Variants in CUX1 observed in about 807,000 individuals in gnomAD.
CUX1 encodes cut like homeobox 1, also known as protein CASP.
Under a neutral mutation model 158.8 loss-of-function variants are expected in CUX1, and 31 were observed. The ratio of observed to expected loss-of-function variants is 0.20; its 90% CI spans 0.15 to 0.26. The LOEUF is 0.26. CUX1 is among the 10% of genes least tolerant of loss of function. The pLI is 1.00. For missense variants in CUX1, 1,589 were observed against 2,014.6 expected, an observed-to-expected ratio of 0.79 and a Z score of 4.04; for synonymous variants, 879 against 862.1, an observed-to-expected ratio of 1.02 and a Z score of -0.34.
At chr7:102,145,473 G>A (rs922489378) in intron 8 of CUX1, among the ~76,000 whole-genome samples, 9 of 151,688 alleles carry the variant, frequency 5.9e-5, no homozygotes, top group African/African-American at 1.9e-4. Flanking sequence ...AGAAGAGAAA[G>A]GTCCTGACTT....
At chr7:102,234,857 T>C (rs1554532074) in intron 22 of CUX1, among the ~76,000 whole-genome samples, 1 of 151,222 alleles carries the variant, frequency 6.6e-6, no homozygotes, top group Admixed American at 6.6e-5. Context: ...GCTTGAACCC[T>C]GCAGGCGGTG....
chr7:102,166,148 G>C (rs1412097031), intron 9 of CUX1, among the ~76,000 whole-genome samples: 1 of 152,198 alleles, frequency 6.6e-6, no homozygotes, highest in Non-Finnish European at 1.5e-5. Context: ...GCATCGGCTT[G>C]TGTGAGCCCC....
At position 101,916,263 on chromosome 7, in the gene CUX1, CT is replaced by C; in HGVS notation, c.141+40del. The stretch of plus-strand genomic sequence containing the variant: ...ACCATCGTGTTCGCTTTGAAGGGAT[CT>C]TAGAATGCTGGTGCATGTTCAGGCG... On this transcript the variant is annotated intron_variant, in intron 2 of 23. Transcript: ENST00000292535. The surrounding 1 kb of genome is among the most constrained non-coding windows in gnomAD (Gnocchi z 4.4). 7.7e-7 allele frequency: 1 copy of C among 1,297,082 alleles called. No individual in the cohort carries two copies. The highest frequency in any genetic ancestry group is 1.1e-6 in the Non-Finnish European group (1 of 891,916). The allele number at this position is 1,297,082 out of a possible 1,614,324, so 80.3% of individuals were successfully genotyped here.
intron 1 of CUX1, among the ~76,000 whole-genome samples, chr7:101,870,917 G>A (rs971038153): frequency 9.9e-5 from 15 of 152,190 alleles, no homozygotes; most frequent in African/African-American, 3.4e-4. Context: ...CTAGTTCCAC[G>A]CACATGTCAG....
intron 2 of CUX1, among the ~76,000 whole-genome samples, chr7:101,990,677 C>T (rs1404326048): frequency 6.6e-6 from 1 of 152,074 alleles, no homozygotes; most frequent in East Asian, 1.9e-4. Context: ...GCGCCTGGCC[C>T]AGACCCCATC....
chr7:102,047,577 TAGGGAGGG>T lies in CUX1; in HGVS notation c.189+19442_189+19449del, dbSNP rs527301135. 3.1e-5 allele frequency among the ~76,000 whole-genome samples: 4 copies of T among 130,274 alleles called. No homozygotes were observed. In the East Asian group the frequency reaches 9.6e-4, roughly 31 times the overall value. The allele number at this position is 130,274 out of a possible 152,430, so 85.5% of individuals were successfully genotyped here. On this transcript the variant is annotated intron_variant, in intron 3 of 23. Coordinates refer to ENST00000292535, the MANE Select transcript of CUX1 (RefSeq NM_181552.4). ...GATGGATGGATGATTAGTCTAGAGG[TAGGGAGGG>T]AGGGAGGGATGGATGGATGGATGGA...
At chr7:102,283,347 C>T (rs1792258453) in exon 23 of CUX1, 1 of 526,296 alleles carries the variant, frequency 1.9e-6, no homozygotes, top group Non-Finnish European at 3.5e-6. Flanking sequence ...GCCCCCACCT[C>T]AGGTTAGGGC....
At chr7:102,113,223 A>T (rs1353802332) in intron 7 of CUX1, among the ~76,000 whole-genome samples, 1 of 152,128 alleles carries the variant, frequency 6.6e-6, no homozygotes, top group Admixed American at 6.6e-5. Flanking sequence ...TGTCAGACTG[A>T]CAGCATTTTT....
chr7:102,234,367 A>G, intron 22 of CUX1, 127 bp downstream of exon 22: 2 of 872,292 alleles, frequency 2.3e-6, no homozygotes, highest in Non-Finnish European at 3.1e-6. Flanking sequence ...GGACAGGGCA[A>G]AAATATTTTT....
chr7:102,149,159 C>T (rs2131476277), intron 8 of CUX1, among the ~76,000 whole-genome samples: 1 of 152,210 alleles, frequency 6.6e-6, no homozygotes, highest in South Asian at 2.1e-4. Flanking sequence ...ATTGAACAGG[C>T]TTCCATTTCC....
intron 6 of CUX1, among the ~76,000 whole-genome samples, chr7:102,110,329 A>G (rs1349129469): frequency 6.6e-6 from 1 of 152,222 alleles, no homozygotes; most frequent in Admixed American, 6.5e-5. Flanking sequence ...ATGTTATAGC[A>G]TGTTACATAT....
chr7:102,098,710 G>A (rs201464), intron 5 of CUX1, among the ~76,000 whole-genome samples: 90,898 of 149,840 alleles, frequency 0.61, 29,411 homozygotes, highest in African/African-American at 0.79. Context: ...GCACGATCTC[G>A]GCTCACTGCA....
chr7:102,153,007 G>A (rs781971927), intron 8 of CUX1, among the ~76,000 whole-genome samples: 7 of 152,214 alleles, frequency 4.6e-5, no homozygotes, highest in Admixed American at 2.0e-4. Flanking sequence ...ACCAGGAGAT[G>A]GAAAACTTGA....
At chr7:102,032,101 A>T (rs1418126384) in intron 3 of CUX1, among the ~76,000 whole-genome samples, 2 of 151,186 alleles carry the variant, frequency 1.3e-5, no homozygotes, top group South Asian at 2.1e-4. Context: ...AAATTTTTGT[A>T]TTTTTTGGTA....
intron 3 of CUX1, among the ~76,000 whole-genome samples, chr7:102,058,695 T>A (rs1239393987): frequency 2.0e-5 from 3 of 152,182 alleles, no homozygotes; most frequent in Admixed American, 6.5e-5. Flanking sequence ...TTTTTATACA[T>A]CTACAATTTT....
At chr7:102,057,087 G>A (rs1824243889) in intron 3 of CUX1, among the ~76,000 whole-genome samples, 1 of 151,138 alleles carries the variant, frequency 6.6e-6, no homozygotes, top group Non-Finnish European at 1.5e-5. Context: ...ATTTTTATTA[G>A]AGATGGAGTT....
intron 17 of CUX1, among the ~76,000 whole-genome samples, chr7:102,276,430 T>C (rs990337378): frequency 6.6e-6 from 1 of 152,198 alleles, no homozygotes; most frequent in Non-Finnish European, 1.5e-5. Context: ...GCCTCCCGGA[T>C]AGCTGAGATT....
rs782381059 is a variant in CUX1, at chr7:102,158,595, A to T, written c.710A>T (p.Glu237Val). 2.5e-6 allele frequency: 4 copies of T among 1,613,938 alleles called. No individual in the cohort carries two copies. The Admixed American group carries it at 5.0e-5, about 20-fold the overall frequency. Residue 237 changes from glutamate (E) to valine (V), a missense_variant, in exon 9 of 24, where the codon GAA becomes GTA. Around this residue, in one of 8 missense-constraint regions of CUX1, gnomAD observed 515 missense variants for 574.4 expected, o/e 0.90. Coordinates refer to ENST00000292535, the MANE Select transcript of CUX1 (RefSeq NM_181552.4). ...ATTGAAATGATCATGACGGACCTTG[A>T]AAGGGCAAACCAGGTAGGACCCTGG... is the stretch of plus-strand genomic sequence containing the variant. ...DEIEMIMTDL[E>V]RANQRAEVAQ...
At chr7:101,972,213 G>A (rs1017951340) in intron 2 of CUX1, among the ~76,000 whole-genome samples, 7 of 152,162 alleles carry the variant, frequency 4.6e-5, no homozygotes, top group Non-Finnish European at 1.0e-4. Context: ...TGATCCGCCT[G>A]CCTCCGCCTC....
Sources: allele counts gnomAD v4.1 joint callset (sites outside exome capture counted in the v4.1 genomes callset), GRCh38; gene constraint gnomAD v4.1.1; regional missense constraint gnomAD v4.1.1; non-coding constraint Gnocchi (gnomAD v3.1); transcripts MANE v1.5; gene names NCBI Gene and HGNC (gene_info 2026-07-23, HGNC 2026-07-21).